Variants in RCBTB2 observed in about 807,000 individuals in gnomAD.
The protein encoded by RCBTB2 is RCC1 and BTB domain-containing protein 2.
A neutral mutation model predicts 65.4 loss-of-function variants in RCBTB2; 55 were observed. That is an observed-to-expected ratio of 0.84 (90% CI 0.68 to 1.05). The LOEUF is 1.05. Ranked by LOEUF, RCBTB2 falls within the 50% of genes least tolerant of loss-of-function variation. The pLI is 0.00. For synonymous variants in RCBTB2, 220 were observed against 255.2 expected (o/e 0.86, Z 1.31); for missense variants, 599 against 680.1 (o/e 0.88, Z 1.33).
chr13:48,500,182 A>G (rs114436469), intron 12 of RCBTB2, among the ~76,000 whole-genome samples: 1,593 of 152,372 alleles, frequency 0.01, 22 homozygotes, highest in African/African-American at 0.037. Flanking sequence ...CTTACTAGGA[A>G]AGAGAGCCTT....
At chr13:48,503,204 C>A (rs1344832451) in intron 10 of RCBTB2, among the ~76,000 whole-genome samples, 1 of 152,192 alleles carries the variant, frequency 6.6e-6, no homozygotes, top group African/African-American at 2.4e-5. Flanking sequence ...TATGCACCAT[C>A]CTGTTTTGAA....
intron 10 of RCBTB2, among the ~76,000 whole-genome samples, chr13:48,507,924 A>T (rs1950584335): frequency 6.6e-6 from 1 of 152,270 alleles, no homozygotes; most frequent in Admixed American, 6.5e-5. Context: ...CATTTTAATC[A>T]TTAAACTTAT....
In RCBTB2 at chr13:48,499,629, T is replaced by C; in HGVS notation, c.1376A>G (p.Glu459Gly). The C allele has an allele frequency of 6.2e-7, 1 of 1,613,910 alleles. No homozygotes were observed. The highest frequency in any genetic ancestry group is 8.5e-7 in the Non-Finnish European group (1 of 1,179,936). ...YTDSISLSPE[E>G]AVGLLDLATF... ...AAGTCTTTGGCAATTACCTACTGCC[T>C]CCTCAGGAGAAAGGCTGATGCTGTC... The change falls in exon 13 of 15, where the codon GAG becomes GGG. Residue 459 changes from glutamate to glycine, a missense_variant. Transcript: ENST00000344532.
intron 2 of RCBTB2, among the ~76,000 whole-genome samples, chr13:48,522,767 A>T (rs1951499303): frequency 6.6e-6 from 1 of 152,216 alleles, no homozygotes; most frequent in Non-Finnish European, 1.5e-5. Flanking sequence ...GGTAGGGTCT[A>T]TTTACTTAAA....
intron 4 of RCBTB2, among the ~76,000 whole-genome samples, chr13:48,517,392 C>T (rs1398550786): frequency 6.6e-6 from 1 of 152,214 alleles, no homozygotes; most frequent in Non-Finnish European, 1.5e-5. Context: ...CACACGGAAG[C>T]CATTCCGAAA....
intron 3 of RCBTB2, 49 bp from the exon 4 acceptor site, chr13:48,522,011 A>G: frequency 6.7e-7 from 1 of 1,499,752 alleles, no homozygotes; most frequent in Non-Finnish European, 9.2e-7. Context: ...GTTCGATGGA[A>G]CCAGGCAGGT....
At chr13:48,500,491 G>A (rs1950186081) in intron 12 of RCBTB2, among the ~76,000 whole-genome samples, 1 of 152,160 alleles carries the variant, frequency 6.6e-6, no homozygotes, top group South Asian at 2.1e-4. Flanking sequence ...CTGGGAGGAG[G>A]AGGTTGCAGT....
chr13:48,532,748 G>A lies in RCBTB2; in HGVS notation c.-219+280C>T, dbSNP rs923988751. 32 of 302,654 alleles carry A rather than the reference G, an allele frequency of 1.1e-4. No individual in the cohort carries two copies. The Admixed American group carries it at 1.4e-3, about 13-fold the overall frequency. The allele number at this position is 302,654 out of a possible 1,614,324, so 18.7% of individuals were successfully genotyped here. A position where few individuals can be genotyped will look rare whatever the true frequency, so the allele number is the denominator to read the frequency against. On this transcript the variant is annotated intron_variant, in intron 1 of 14. Transcript: ENST00000344532. The stretch of plus-strand genomic sequence containing the variant: ...GCAGCGCACCGGGCCCACGCCAGCG[G>A]AATTGCGCATGCGCAGGGCCGCCTC...
chr13:48,493,342 T>C (rs1327866793), intron 14 of RCBTB2, among the ~76,000 whole-genome samples: 9 of 22,258 alleles, frequency 4.0e-4, no homozygotes, highest in East Asian at 2.3e-3. Flanking sequence ...CTCTCTCTCT[T>C]CTCTTCTCTC....
intron 14 of RCBTB2, among the ~76,000 whole-genome samples, chr13:48,493,315 A>ACTCTCACTCTCTCT (rs1949812064): frequency 1.3e-5 from 1 of 75,028 alleles, no homozygotes; most frequent in South Asian, 5.8e-4. Context: ...ACACACACAC[A>ACTCTCACTCTCTCT]CTCTCTCTCT....
chr13:48,523,891 T>C (rs1456550149), intron 2 of RCBTB2, among the ~76,000 whole-genome samples: 1 of 152,198 alleles, frequency 6.6e-6, no homozygotes, highest in African/African-American at 2.4e-5. Context: ...TCTGTTTATC[T>C]GACATCAGGT....
At chr13:48,499,111 AACACACACAC>A (rs142443945) in intron 13 of RCBTB2, among the ~76,000 whole-genome samples, 4 of 105,916 alleles carry the variant, frequency 3.8e-5, no homozygotes, top group Admixed American at 9.2e-5. Context: ...CCCCCACCCC[AACACACACAC>A]ACACACACAC....
rs80311840 is a variant in RCBTB2 at position 48,509,337 on chromosome 13, T to C, written c.926+1292A>G. Reference sequence around the variant, plus strand: ...GAGACTGTGTCTCAAAAAATAAAAATAAAAAAATAACAGGCCATACAAATC... The same window carrying C: ...GAGACTGTGTCTCAAAAAATAAAAACAAAAAAATAACAGGCCATACAAATC... On this transcript the variant is annotated intron_variant, in intron 10 of 14. Coordinates refer to ENST00000344532, the MANE Select transcript of RCBTB2 (RefSeq NM_001268.4). Among the ~76,000 whole-genome samples, 1,508 of 152,100 alleles carry C rather than the reference T, an allele frequency of 9.9e-3. 35 individuals are homozygous for C. Among genetic ancestry groups the C allele is most frequent in the African/African-American group, 0.034 (1,430 of 41,518 alleles).
At chr13:48,491,883 A>C (rs913720753) in intron 14 of RCBTB2, among the ~76,000 whole-genome samples, 1 of 152,226 alleles carries the variant, frequency 6.6e-6, no homozygotes, top group African/African-American at 2.4e-5. Flanking sequence ...GAATTCAATA[A>C]ATTGGCATAG....
At chr13:48,518,025 A>C (rs949976726) in intron 4 of RCBTB2, among the ~76,000 whole-genome samples, 3 of 152,224 alleles carry the variant, frequency 2.0e-5, no homozygotes, top group Non-Finnish European at 4.4e-5. Flanking sequence ...CTGGAAGTCA[A>C]GGAGCAGCAA....
chr13:48,510,921 A>G (rs1950755765), intron 9 of RCBTB2, 150 bp from the exon 10 acceptor site: 1 of 775,772 alleles, frequency 1.3e-6, no homozygotes, highest in East Asian at 2.7e-5. Flanking sequence ...ACATCCTTCC[A>G]GAACATGTGG....
At position 48,499,765 on chromosome 13, in the gene RCBTB2, A is replaced by G; in HGVS notation, c.1245-5T>C. ...GACGAACGAAAATGCTCACATCTGA[A>G]GGAAAAAAGCAGTATGTCAGGTCCT... On this transcript the variant is annotated splice_polypyrimidine_tract_variant and splice_region_variant and intron_variant, in intron 12 of 14. Transcript: ENST00000344532. The G allele has an allele frequency of 6.2e-7, 1 of 1,614,202 alleles. No individual in the cohort carries two copies. Among genetic ancestry groups the G allele is most frequent in the Non-Finnish European group, 8.5e-7 (1 of 1,180,006 alleles).
At chr13:48,493,225 TCA>T (rs3085589) in intron 14 of RCBTB2, among the ~76,000 whole-genome samples, 24,198 of 108,574 alleles carry the variant, frequency 0.22, 2,488 homozygotes, top group South Asian at 0.27. Flanking sequence ...GTACCCTCCT[TCA>T]CACACACACA....
chr13:48,502,973 C>T, intron 10 of RCBTB2, 59 bp from the exon 11 acceptor site: 1 of 1,446,822 alleles, frequency 6.9e-7, no homozygotes, highest in Non-Finnish European at 9.2e-7. Flanking sequence ...CAAGTTGGGT[C>T]CTCCTCCCGC....
Sources: allele counts gnomAD v4.1 joint callset (sites outside exome capture counted in the v4.1 genomes callset), GRCh38; gene constraint gnomAD v4.1.1; transcripts MANE v1.5; gene names NCBI Gene and HGNC (gene_info 2026-07-23, HGNC 2026-07-21).